The following CRIM1 variants were observed in gnomAD, a reference collection of about 807,000 sequenced individuals.
The protein encoded by CRIM1 is cysteine-rich motor neuron 1 protein.
CRIM1 carries 32 observed loss-of-function variants against 116.4 expected under a neutral mutation model. The ratio of observed to expected loss-of-function variants is 0.27; its 90% CI spans 0.21 to 0.37. The LOEUF (loss-of-function observed/expected upper bound fraction) is 0.37, where lower values mean the gene tolerates loss of function less well. Among genes scored for constraint, CRIM1 ranks in the 10% least tolerant of loss-of-function variants. The pLI is 1.00. For missense variants in CRIM1, 1,331 were observed against 1,354.8 expected (o/e 0.98, Z 0.28); for synonymous variants, 590 against 509.2 (o/e 1.16, Z -2.13).
intron 7 of CRIM1, among the ~76,000 whole-genome samples, chr2:36,487,938 A>G (rs1001934829): frequency 6.6e-6 from 1 of 152,192 alleles, no homozygotes; most frequent in African/African-American, 2.4e-5. Context: ...TTTCAAATAC[A>G]TTAGACTAAA....
chr2:36,465,955 G>A (rs848561), intron 5 of CRIM1, among the ~76,000 whole-genome samples: 12,791 of 150,702 alleles, frequency 0.085, 864 homozygotes, highest in Admixed American at 0.2. Flanking sequence ...GCGCAATCTC[G>A]GCTCACTGCA....
chr2:36,529,065 A>C, intron 13 of CRIM1: 1 of 470,202 alleles, frequency 2.1e-6, no homozygotes, highest in South Asian at 1.6e-5. Flanking sequence ...TCTTAATTTA[A>C]AGAGCTCTGC....
intron 1 of CRIM1, among the ~76,000 whole-genome samples, chr2:36,390,245 C>T (rs1016996415): frequency 6.6e-6 from 1 of 152,154 alleles, no homozygotes; most frequent in African/African-American, 2.4e-5. Flanking sequence ...TCATATTCTG[C>T]AAAATCATTC....
intron 15 of CRIM1, 30 bp downstream of exon 15, chr2:36,544,528 A>C (rs767676494): frequency 2.3e-6 from 3 of 1,319,644 alleles, no homozygotes; most frequent in South Asian, 6.0e-5. Context: ...GAGATCTGCT[A>C]GTTTTCTATG....
chr2:36,517,636 A>T, intron 12 of CRIM1, 94 bp downstream of exon 12: 2 of 1,270,260 alleles, frequency 1.6e-6, no homozygotes, highest in Middle Eastern at 2.7e-4. Flanking sequence ...GATCAGCCCC[A>T]TATGGGAGTG....
rs1668795055 is a variant in CRIM1, at chr2:36,356,343, G to A, written c.51G>A (p.Leu17=). 3.1e-6 allele frequency: 5 copies of A among 1,589,310 alleles called. No individual in the cohort carries two copies. In the South Asian group the frequency reaches 3.4e-5, roughly 11 times the overall value. Residue 17 remains leucine, a synonymous_variant, in exon 1 of 17, where the codon CTG becomes CTA. Transcript: ENST00000280527. This position sits in a 1 kb window ranked among gnomAD's most constrained non-coding sequence, Gnocchi z 4.3. The stretch of plus-strand genomic sequence containing the variant: ...GGTTGGCCGGCTGCGGGCACCTCCT[G>A]GTCTCGCTGCTGGGGCTGCTGCTGC... ...DRGLAGCGHL[L]VSLLGLLLLL...
intron 4 of CRIM1, among the ~76,000 whole-genome samples, chr2:36,463,048 C>G (rs1282803087): frequency 6.6e-6 from 1 of 152,166 alleles, no homozygotes; most frequent in Non-Finnish European, 1.5e-5. Flanking sequence ...ACAATTGCAG[C>G]AAAACCTGAA....
Position 36,437,448 on chromosome 2 carries a change from G to C in CRIM1, c.506-3810G>C, listed in dbSNP as rs149346786. On this transcript the variant is annotated intron_variant, in intron 2 of 16. Transcript: ENST00000280527. ...CAACATAAAAAGAGAGAGAACTAAA[G>C]ATGAACATTACTCAAGTTTATAAAT... Among the ~76,000 whole-genome samples the C allele has an allele frequency of 2.8e-3, 428 of 151,866 alleles. 1 individual carries two copies. The highest frequency in any genetic ancestry group is 9.7e-3 in the African/African-American group (402 of 41,426).
At position 36,522,434 on chromosome 2, in the gene CRIM1, C is replaced by T. The variant is rs1013118896; in HGVS notation, c.2428+121C>T. 6 of 735,678 alleles carry T rather than the reference C, an allele frequency of 8.2e-6. No individual in the cohort carries two copies. In the Admixed American group the frequency reaches 8.4e-5, roughly 10 times the overall value. 45.6% of individuals were successfully genotyped at this position (735,678 alleles called of 1,614,324 possible). On this transcript the variant is annotated intron_variant, in intron 13 of 16. Coordinates refer to ENST00000280527, the MANE Select transcript of CRIM1 (RefSeq NM_016441.3). ...GGTTTTTTCCCTGCTTGACATGTCA[C>T]ACAGACCCAGTGTAGCAACACTGAG... is the stretch of plus-strand genomic sequence containing the variant.
In CRIM1 at chr2:36,429,438, C is replaced by T. The variant is rs550718040; in HGVS notation, c.506-11820C>T. On this transcript the variant is annotated intron_variant, in intron 2 of 16. Transcript: ENST00000280527. The stretch of plus-strand genomic sequence containing the variant: ...CTCCTCTCTGAATTCTCTCTCAGGC[C>T]TAGATGCTGGGCTCTGTGTGGGTTG... Among the ~76,000 whole-genome samples, 34 of 152,264 alleles carry T rather than the reference C, an allele frequency of 2.2e-4. 1 individual carries two copies. The highest frequency in any genetic ancestry group is 7.2e-4 in the African/African-American group (30 of 41,542).
In CRIM1 at chr2:36,391,797, CAAA is replaced by C. The variant is rs5830425; in HGVS notation, c.332-4804_332-4802del. Among the ~76,000 whole-genome samples, 556 of 120,808 alleles carry C rather than the reference CAAA, an allele frequency of 4.6e-3. 3 individuals are homozygous for C. The highest frequency in any genetic ancestry group is 0.015 in the African/African-American group (488 of 32,056). 79.3% of individuals were successfully genotyped at this position (120,808 alleles called of 152,430 possible). A position where few individuals can be genotyped will look rare whatever the true frequency, so the allele number is the denominator to read the frequency against. On this transcript the variant is annotated intron_variant, in intron 1 of 16. Transcript: ENST00000280527. Reference sequence around the variant, plus strand: ...CTTTTTCCACTTTGCACTAATGGTGCAAAAAAAAAAAAAAATGGTACATAAAAC... The same window carrying C: ...CTTTTTCCACTTTGCACTAATGGTGCAAAAAAAAAAAATGGTACATAAAAC...
intron 7 of CRIM1, among the ~76,000 whole-genome samples, chr2:36,480,957 C>T (rs1339173495): frequency 6.6e-6 from 1 of 152,088 alleles, no homozygotes; most frequent in Non-Finnish European, 1.5e-5. Flanking sequence ...GGAAAGGGTG[C>T]CTTACTGAAG....
intron 1 of CRIM1, among the ~76,000 whole-genome samples, chr2:36,376,595 A>T (rs1304681328): frequency 6.6e-6 from 1 of 152,176 alleles, no homozygotes; most frequent in Non-Finnish European, 1.5e-5. Flanking sequence ...GGTTCTTGCC[A>T]GGGGTAAATG....
At chr2:36,411,107 C>G (rs1393887803) in intron 2 of CRIM1, among the ~76,000 whole-genome samples, 2 of 152,158 alleles carry the variant, frequency 1.3e-5, no homozygotes, top group Non-Finnish European at 2.9e-5. Context: ...AAAGAAAATA[C>G]TATTCCACTT....
intron 13 of CRIM1, chr2:36,529,620 A>G (rs1044922188): frequency 6.1e-6 from 1 of 163,878 alleles, no homozygotes; most frequent in African/African-American, 2.4e-5. Flanking sequence ...ACAACTATCC[A>G]TGAAGTGCTT....
In CRIM1 at chr2:36,509,978, C is replaced by G. The variant is rs1490606850; in HGVS notation, c.1502-5C>G. ...AAGAAACATGCCGTCTCTGTGTCTT[C>G]ACAGCCGAGGAACTATGTTCAGAAC... On this transcript the variant is annotated splice_region_variant and splice_polypyrimidine_tract_variant and intron_variant, in intron 8 of 16. Transcript: ENST00000280527. The G allele has an allele frequency of 6.2e-7, 1 of 1,612,908 alleles. No individual in the cohort carries two copies.
intron 2 of CRIM1, among the ~76,000 whole-genome samples, chr2:36,427,772 C>T (rs1674571734): frequency 6.6e-6 from 1 of 152,218 alleles, no homozygotes; most frequent in Admixed American, 6.5e-5. Flanking sequence ...AGGGCTCCAG[C>T]CCCAAGACCC....
intron 2 of CRIM1, among the ~76,000 whole-genome samples, chr2:36,424,578 C>G (rs1477899632): frequency 1.3e-5 from 2 of 152,168 alleles, no homozygotes; most frequent in Non-Finnish European, 2.9e-5. Flanking sequence ...GGGAGCATGG[C>G]CACTGTGCTA....
Position 36,387,446 on chromosome 2 carries a change from G to C in CRIM1, c.332-9168G>C, listed in dbSNP as rs112584379. Among the ~76,000 whole-genome samples the C allele has an allele frequency of 6.7e-3, 1,014 of 152,272 alleles. 10 individuals are homozygous for C. Among genetic ancestry groups the C allele is most frequent in the African/African-American group, 0.023 (975 of 41,554 alleles). On this transcript the variant is annotated intron_variant, in intron 1 of 16. Coordinates refer to ENST00000280527, the MANE Select transcript of CRIM1 (RefSeq NM_016441.3). ...GACATTCAAGTTCAGAGACAGCTGC[G>C]TTGCTTAATCATGGCATGTGTCTGA...
Sources: gnomAD v4.1 joint callset for allele counts (sites outside exome capture counted in the v4.1 genomes callset) on GRCh38, gnomAD v4.1.1 for gene constraint, Gnocchi (gnomAD v3.1) non-coding constraint, MANE v1.5 for transcripts, NCBI Gene and HGNC (gene_info 2026-07-23, HGNC 2026-07-21) for gene names.